Variants in NLRP1 observed in about 807,000 individuals in gnomAD.
NLRP1 encodes the protein NACHT, LRR and PYD domains-containing protein 1.
Under a neutral mutation model 136.7 loss-of-function variants are expected in NLRP1, and 94 were observed. The ratio of observed to expected loss-of-function variants is 0.69; its 90% CI spans 0.58 to 0.82. NLRP1 has a LOEUF of 0.82. NLRP1 is among the 40% of genes least tolerant of loss of function. The pLI is 0.00. For synonymous variants in NLRP1, 690 were observed against 725.1 expected, an observed-to-expected ratio of 0.95 and a Z score of 0.78; for missense variants, 1,575 against 1,802.7, an observed-to-expected ratio of 0.87 and a Z score of 2.29.
At chr17:5,547,111 A>G (rs1912756105) in intron 5 of NLRP1, among the ~76,000 whole-genome samples, 1 of 152,190 alleles carries the variant, frequency 6.6e-6, no homozygotes, top group African/African-American at 2.4e-5. Context: ...TAGGCACTAA[A>G]TACATAGCAT....
At chr17:5,512,009 A>G, downstream of NLRP1, 1 of 563,406 alleles carries the variant, frequency 1.8e-6, no homozygotes, top group Non-Finnish European at 3.3e-6. Flanking sequence ...AGTAACAATG[A>G]GGTGGTAACT....
chr17:5,558,640 T>C lies in NLRP1; in HGVS notation c.2056A>G (p.Met686Val), dbSNP rs61753138. The C allele has an allele frequency of 3.2e-4, 519 of 1,613,726 alleles. 1 individual carries two copies. The highest frequency in any genetic ancestry group is 2.3e-3 in the Admixed American group (137 of 60,014). Residue 686 changes from methionine (M) to valine (V), a missense_variant, in exon 4 of 17, where the codon ATG becomes GTG. Met to Val is a conservative substitution (Grantham distance 21). Coordinates refer to ENST00000572272, the MANE Select transcript of NLRP1 (RefSeq NM_033004.4). ...GLLSDEGEREMENIFHCRLSQ... is the reference protein window; with the variant it reads ...GLLSDEGEREVENIFHCRLSQ... ...AGCCGGCAGTGAAAGATGTTCTCCA[T>C]CTCTCTCTCCCCCTCATCACTTAAC...
intron 9 of NLRP1, 126 bp downstream of exon 9, chr17:5,533,771 C>T: frequency 1.4e-6 from 1 of 703,102 alleles, no homozygotes. Context: ...GTGGGGGTAG[C>T]ACCCTCTTGG....
At chr17:5,577,784 AAG>A (rs1401128590) in intron 3 of NLRP1, among the ~76,000 whole-genome samples, 6 of 152,254 alleles carry the variant, frequency 3.9e-5, no homozygotes, top group Non-Finnish European at 1.5e-5. Context: ...GGAACCAAAA[AAG>A]AGCCCGCACT....
At chr17:5,512,201 C>A, downstream of NLRP1, 1 of 1,254,852 alleles carries the variant, frequency 8.0e-7, no homozygotes, top group Non-Finnish European at 1.2e-6. Flanking sequence ...AAATGTTCCA[C>A]AGAGCCATGA....
intron 2 of NLRP1, among the ~76,000 whole-genome samples, chr17:5,582,274 C>A (rs1044621097): frequency 6.6e-6 from 1 of 152,104 alleles, no homozygotes; most frequent in Non-Finnish European, 1.5e-5. Flanking sequence ...TAAGCCTAGC[C>A]TCTTCTTGGG....
At chr17:5,548,042 C>T (rs1386775720) in intron 5 of NLRP1, among the ~76,000 whole-genome samples, 2 of 152,174 alleles carry the variant, frequency 1.3e-5, no homozygotes, top group African/African-American at 4.8e-5. Context: ...TTTCCACTCT[C>T]CACCCAAACT....
At chr17:5,506,857 GCACCACTGCACTCCAGCCTGGGCAACAA>G (rs1907363719) in intron 15 of NLRP1, among the ~76,000 whole-genome samples, 1 of 141,152 alleles carries the variant, frequency 7.1e-6, no homozygotes, top group Non-Finnish European at 1.5e-5. Context: ...AGCTGAGACT[GCACCACTGCACTCCAGCCTGGGCAACAA>G]GAGCAAAACT....
chr17:5,554,676 C>G (rs1443684619), intron 4 of NLRP1, among the ~76,000 whole-genome samples: 1 of 152,108 alleles, frequency 6.6e-6, no homozygotes, highest in East Asian at 1.9e-4. Flanking sequence ...CCCAAAAGTC[C>G]TAGAGCAGTT....
rs892396419 is a variant in NLRP1, at chr17:5,504,736, T to A, written c.4070-2864A>T. 2 of 152,494 alleles carry A rather than the reference T, an allele frequency of 1.3e-5. No individual in the cohort carries two copies. The highest frequency in any genetic ancestry group is 4.8e-5 in the African/African-American group (2 of 41,460). 9.4% of individuals were successfully genotyped at this position (152,494 alleles called of 1,614,324 possible). A position where few individuals can be genotyped will look rare whatever the true frequency, so the allele number is the denominator to read the frequency against. ...AGGTATACCTCCCAATCCCCTCAGC[T>A]ACCCACCCCAGGCTTGCTCACCATC... On this transcript the variant is annotated intron_variant, in intron 15 of 15. Coordinates refer to the NLRP1 transcript ENST00000262467. This position sits in a 1 kb window ranked among gnomAD's most constrained non-coding sequence, Gnocchi z 4.4.
Position 5,559,221 on chromosome 17 carries a change from C to A in NLRP1, c.1475G>T (p.Arg492Ile). 1 of 1,614,168 alleles carries A rather than the reference C, an allele frequency of 6.2e-7. No individual in the cohort carries two copies. The highest frequency in any genetic ancestry group is 8.5e-7 in the Non-Finnish European group (1 of 1,180,028). The change falls in exon 4 of 17, where the codon AGA becomes ATA. Residue 492 changes from arginine (R) to isoleucine (I), a missense_variant. Physicochemically the swap from Arg to Ile is moderately conservative, Grantham distance 97. Transcript: ENST00000572272. The part of the protein sequence containing the change: ...SESSRKEYFY[R>I]YFTDERQAIR... ...TGCTTGCCTTTCATCTGTGAAATAT[C>A]TGTAGAAATATTCCTTCCTGCTGGA...
chr17:5,546,008 A>G (rs1221777712), intron 5 of NLRP1, among the ~76,000 whole-genome samples: 2 of 152,120 alleles, frequency 1.3e-5, no homozygotes, highest in African/African-American at 2.4e-5. Flanking sequence ...ACCCACTCCC[A>G]AGCCCCAGTG....
At chr17:5,543,382 G>A (rs945393141) in intron 5 of NLRP1, among the ~76,000 whole-genome samples, 1 of 152,180 alleles carries the variant, frequency 6.6e-6, no homozygotes. Flanking sequence ...ATCACAGCAC[G>A]CGGTTAGTAT....
rs1449250978 is a variant in NLRP1 at position 5,558,514 on chromosome 17, T to TACAA, written c.2181_2182insTTGT (p.Lys728LeufsTer2). The TACAA allele has an allele frequency of 1.9e-6, 3 of 1,614,068 alleles. No homozygotes were observed. The South Asian group carries it at 3.3e-5, about 18-fold the overall frequency. On this transcript the variant is annotated frameshift_variant, in exon 4 of 17. Transcript: ENST00000572272. LOFTEE classifies it high-confidence loss of function. ...GCCATCACTTGTGTCAGGAACGTTTTGTTCCGAGTCTCGTACAAGCAGTGG... is the reference window on the plus strand; with the variant it reads ...GCCATCACTTGTGTCAGGAACGTTTTACAAGTTCCGAGTCTCGTACAAGCAGTGG...
At chr17:5,529,626 A>G (rs1909989581) in intron 12 of NLRP1, among the ~76,000 whole-genome samples, 2 of 152,254 alleles carry the variant, frequency 1.3e-5, no homozygotes, top group East Asian at 3.9e-4. Flanking sequence ...TCGGCCTCCC[A>G]AAGTCCTGGG....
rs899679551 is a variant in NLRP1, at chr17:5,537,032, G to T, written c.2871-92C>A. 4.5e-6 allele frequency: 4 copies of T among 883,386 alleles called. No homozygotes were observed. The highest frequency in any genetic ancestry group is 1.9e-5 in the Admixed American group (1 of 53,652). The allele number at this position is 883,386 out of a possible 1,614,324, so 54.7% of individuals were successfully genotyped here. On this transcript the variant is annotated intron_variant, in intron 7 of 16. Coordinates refer to ENST00000572272, the MANE Select transcript of NLRP1 (RefSeq NM_033004.4). This position sits in a 1 kb window ranked among gnomAD's most constrained non-coding sequence, Gnocchi z 4.5. ...AGAATCCTGGGACCTGTCACCTTCT[G>T]AGGCAGCGGCCGCAGGGTGGGTTCC...
intron 3 of NLRP1, among the ~76,000 whole-genome samples, chr17:5,574,529 A>C (rs1904805313): frequency 1.3e-5 from 2 of 152,202 alleles, no homozygotes; most frequent in African/African-American, 4.8e-5. Flanking sequence ...GCTGAAATGA[A>C]GGAAAAAATG....
chr17:5,511,201 C>T (rs1020790507), downstream of NLRP1, among the ~76,000 whole-genome samples: 6 of 152,000 alleles, frequency 3.9e-5, no homozygotes, highest in Admixed American at 2.0e-4. Flanking sequence ...GAGGCCGAGG[C>T]GGGCGGATCA....
rs201176808 is a variant in NLRP1, at chr17:5,582,078, A to G, written c.449-16T>C. 6.3e-7 allele frequency: 1 copy of G among 1,587,166 alleles called. No individual in the cohort carries two copies. Among genetic ancestry groups the G allele is most frequent in the Non-Finnish European group, 8.6e-7 (1 of 1,160,506 alleles). On this transcript the variant is annotated splice_polypyrimidine_tract_variant and intron_variant, in intron 2 of 16. Coordinates refer to ENST00000572272, the MANE Select transcript of NLRP1 (RefSeq NM_033004.4). ...GCAGAGATTTCTGGGGGGAATGAAAAGAAAAATAACCATTTACTGAACATT... is the reference window on the plus strand; with the variant it reads ...GCAGAGATTTCTGGGGGGAATGAAAGGAAAAATAACCATTTACTGAACATT...
Sources: gnomAD v4.1 joint callset for allele counts (sites outside exome capture counted in the v4.1 genomes callset) on GRCh38, gnomAD v4.1.1 for gene constraint, Gnocchi (gnomAD v3.1) non-coding constraint, MANE v1.5 for transcripts, NCBI Gene and HGNC (gene_info 2026-07-23, HGNC 2026-07-21) for gene names.